KNDC1: variants seen among roughly 807,000 people sequenced by gnomAD.
KNDC1 encodes kinase non-catalytic C-lobe domain-containing protein 1.
Under a neutral mutation model 172.8 loss-of-function variants are expected in KNDC1, and 106 were observed. That is an observed-to-expected ratio of 0.61 (90% confidence interval 0.52 to 0.72). The LOEUF (loss-of-function observed/expected upper bound fraction) is 0.72, where lower values mean the gene tolerates loss of function less well. Ranked by LOEUF, KNDC1 falls within the 30% of genes least tolerant of loss-of-function variation. The pLI is 0.00. For missense variants in KNDC1, 2,325 were observed against 2,394.5 expected (o/e 0.97, Z 0.61); for synonymous variants, 1,083 against 1,062.2 (o/e 1.02, Z -0.38).
Position 133,224,827 on chromosome 10 carries a change from C to T in KNDC1, c.5187C>T (p.Ser1729=). ...ADSRANFHQV[S]SEKHSRKIQD... is the part of the protein sequence containing the mutation. ...GCAGGGCCAACTTCCACCAGGTCTCCAGCGAGAAGCACTCACGGAAGATTC... is the reference window on the plus strand; with the variant it reads ...GCAGGGCCAACTTCCACCAGGTCTCTAGCGAGAAGCACTCACGGAAGATTC... Residue 1729 remains serine, a synonymous_variant, in exon 30 of 30, where the codon TCC becomes TCT. Transcript: ENST00000304613. The surrounding 1 kb of genome is among the most constrained non-coding windows in gnomAD (Gnocchi z 5.4). 2 of 1,614,126 alleles carry T rather than the reference C, an allele frequency of 1.2e-6. No individual in the cohort carries two copies. The highest frequency in any genetic ancestry group is 1.7e-6 in the Non-Finnish European group (2 of 1,180,042).
In KNDC1 at chr10:133,209,130, CGTGTGTG is replaced by C. The variant is rs1338346267; in HGVS notation, c.3795-1471_3795-1465del. 1.3e-5 allele frequency among the ~76,000 whole-genome samples: 2 copies of C among 148,176 alleles called. No homozygotes were observed. Among genetic ancestry groups the C allele is most frequent in the African/African-American group, 2.5e-5 (1 of 39,850 alleles). On this transcript the variant is annotated intron_variant, in intron 20 of 29. Transcript: ENST00000304613. This position sits in a 1 kb window ranked among gnomAD's most constrained non-coding sequence, Gnocchi z 4.9. ...GTGTGTGATGTGGAGTATTGTGTGG[CGTGTGTG>C]GTGTGTGGTTGGGTATTGCGTGGCA...
Position 133,186,003 on chromosome 10 carries a change from C to T in KNDC1, c.655C>T (p.Pro219Ser). ...CAGCGAGAGCAGCTGGCGGGAGAGA[C>T]CTGCCCCAGGAAACGCTGGGCCCAG... is the stretch of plus-strand genomic sequence containing the variant. ...DVSESSWRER[P>S]APGNAGPRRP... The change falls in exon 6 of 30, where the codon CCT becomes TCT. Residue 219 changes from proline to serine, a missense_variant. Pro to Ser is a moderately conservative substitution (Grantham distance 74, BLOSUM62 -1). Coordinates refer to ENST00000304613, the MANE Select transcript of KNDC1 (RefSeq NM_152643.8). The T allele has an allele frequency of 6.6e-7, 1 of 1,510,924 alleles. No homozygotes were observed. The highest frequency in any genetic ancestry group is 8.9e-7 in the Non-Finnish European group (1 of 1,122,624). 93.6% of individuals were successfully genotyped at this position (1,510,924 alleles called of 1,614,324 possible).
At chr10:133,216,816 C>T (rs1845475940) in intron 26 of KNDC1, among the ~76,000 whole-genome samples, 2 of 152,316 alleles carry the variant, frequency 1.3e-5, no homozygotes, top group South Asian at 2.1e-4. Context: ...AAAGAAAATG[C>T]GGCCTCTTTG....
Position 133,160,472 on chromosome 10 carries a change from A to T in KNDC1, c.5A>T (p.Gln2Leu), listed in dbSNP as rs1227500348. The stretch of plus-strand genomic sequence containing the variant: ...GGTGCGCGGCGCGGCCGCAGGATGC[A>T]GGCCATGGACCCGGCCGCGGCGGAT... Reference protein sequence around the residue: MQAMDPAAADLY... With the variant: MLAMDPAAADLY... The change falls in exon 1 of 30, where the codon CAG becomes CTG. Residue 2 changes from glutamine to leucine, a missense_variant. Physicochemically the swap from Gln to Leu is moderately radical, Grantham distance 113. Transcript: ENST00000304613. The T allele has an allele frequency of 4.5e-6, 7 of 1,559,442 alleles. No homozygotes were observed. In the South Asian group the frequency reaches 7.1e-5, roughly 16 times the overall value.
At position 133,197,699 on chromosome 10, in the gene KNDC1, A is replaced by G; in HGVS notation, c.1837A>G (p.Ser613Gly). The stretch of plus-strand genomic sequence containing the variant: ...GGTGTACCAGGAGGAAGAGACCATC[A>G]GCCTCCAAAACGCCTTCTCAGTGGT... The part of the protein sequence containing the change: ...CQVYQEEETI[S>G]LQNAFSVVEL... The change falls in exon 12 of 30, where the codon AGC becomes GGC. Residue 613 changes from serine (S) to glycine (G), a missense_variant. Transcript: ENST00000304613. 2 of 1,613,294 alleles carry G rather than the reference A, an allele frequency of 1.2e-6. No individual in the cohort carries two copies. The highest frequency in any genetic ancestry group is 1.7e-6 in the Non-Finnish European group (2 of 1,179,802).
chr10:133,224,574 C>A lies in KNDC1; in HGVS notation c.5019-85C>A. ...GTGAAAAGATTTAGTCCAAATGATT[C>A]CTAAGAACGCGGGGGGACTCCCTCC... On this transcript the variant is annotated intron_variant, in intron 29 of 29. Transcript: ENST00000304613. This position sits in a 1 kb window ranked among gnomAD's most constrained non-coding sequence, Gnocchi z 5.4. The A allele has an allele frequency of 1.1e-6, 1 of 918,208 alleles. No homozygotes were observed. The highest frequency in any genetic ancestry group is 1.7e-6 in the Non-Finnish European group (1 of 594,514). 56.9% of individuals were successfully genotyped at this position (918,208 alleles called of 1,614,324 possible).
intron 26 of KNDC1, among the ~76,000 whole-genome samples, chr10:133,215,399 T>A (rs2136027860): frequency 6.6e-6 from 1 of 152,286 alleles, no homozygotes; most frequent in Admixed American, 6.5e-5. Flanking sequence ...CCCCGGGCCG[T>A]AAACGAAGGC....
intron 15 of KNDC1, 102 bp downstream of exon 15, chr10:133,199,704 C>G (rs2998138): frequency 0.57 from 765,417 of 1,334,964 alleles, 221,014 homozygotes; most frequent in East Asian, 0.64. Flanking sequence ...CCCAACCCTC[C>G]GCTTCCATCT....
At chr10:133,187,618 C>T (rs1853956851) in intron 6 of KNDC1, among the ~76,000 whole-genome samples, 1 of 152,244 alleles carries the variant, frequency 6.6e-6, no homozygotes, top group Admixed American at 6.5e-5. Flanking sequence ...AACAGCCTAC[C>T]TTCCCGAAGG....
chr10:133,220,036 C>T lies in KNDC1; in HGVS notation c.4942C>T (p.Leu1648=). 6.4e-7 allele frequency: 1 copy of T among 1,558,264 alleles called. No individual in the cohort carries two copies. Among genetic ancestry groups the T allele is most frequent in the Non-Finnish European group, 8.7e-7 (1 of 1,151,040 alleles). ...GCCCACCCTGCCCTCGGCCCACCTC[C>T]TGGCCATGCACATCCAGCAGCTGGA... ...AQPTLPSAHL[L]AMHIQQLETG... is the part of the protein sequence containing the mutation. Residue 1648 remains leucine, a synonymous_variant, in exon 29 of 30, where the codon CTG becomes TTG. Coordinates refer to ENST00000304613, the MANE Select transcript of KNDC1 (RefSeq NM_152643.8).
chr10:133,167,295 C>G (rs910181759), intron 1 of KNDC1, 86 bp from the exon 2 acceptor site: 1 of 1,336,410 alleles, frequency 7.5e-7, no homozygotes, highest in Non-Finnish European at 1.0e-6. Flanking sequence ...ACGAGTCGTC[C>G]GTTTCCCCAG....
Position 133,207,185 on chromosome 10 carries a change from A to G in KNDC1, c.3628A>G (p.Ile1210Val). The change falls in exon 20 of 30, where the codon ATC becomes GTC. Residue 1210 changes from isoleucine (I) to valine (V), a missense_variant. Coordinates refer to ENST00000304613, the MANE Select transcript of KNDC1 (RefSeq NM_152643.8). Reference protein sequence around the residue: ...WGLEPCTLPVIVNIAAAPCDT... With the variant: ...WGLEPCTLPVVVNIAAAPCDT... ...CCTGGAGCCCTGCACCCTCCCAGTG[A>G]TCGTGAACATCGCGGCCGCACCCTG... 6.2e-7 allele frequency: 1 copy of G among 1,609,698 alleles called. No homozygotes were observed. The highest frequency in any genetic ancestry group is 8.5e-7 in the Non-Finnish European group (1 of 1,178,962).
chr10:133,185,631 C>T (rs1017600669), intron 5 of KNDC1, among the ~76,000 whole-genome samples: 1 of 151,784 alleles, frequency 6.6e-6, no homozygotes, highest in Non-Finnish European at 1.5e-5. Flanking sequence ...CCTGTGTAAT[C>T]CTCGAGGAAA....
At position 133,167,530 on chromosome 10, in the gene KNDC1, C is replaced by T. The variant is rs1330505921; in HGVS notation, c.252C>T (p.Thr84=). 1.2e-6 allele frequency: 2 copies of T among 1,604,108 alleles called. No individual in the cohort carries two copies. The highest frequency in any genetic ancestry group is 2.3e-5 in the East Asian group (1 of 44,394). Residue 84 remains threonine (T), a synonymous_variant, in exon 2 of 30, where the codon ACC becomes ACT. Transcript: ENST00000304613. ...AGAGCCTGTGCATCACGCCCGACAC[C>T]CTGGCCTTCAACACCAGCGGGAACG... The part of the protein sequence containing the change: ...IFQSLCITPD[T]LAFNTSGNVC...
chr10:133,213,766 G>T, intron 25 of KNDC1, 39 bp downstream of exon 25: 1 of 1,581,336 alleles, frequency 6.3e-7, no homozygotes, highest in South Asian at 1.1e-5. Context: ...CGGTGGTGGA[G>T]GGTCTCGGGG....
chr10:133,214,745 C>T (rs769308335), intron 26 of KNDC1, among the ~76,000 whole-genome samples: 15 of 152,244 alleles, frequency 9.9e-5, no homozygotes, highest in African/African-American at 2.9e-4. Flanking sequence ...GCTCCAGCGC[C>T]GGGGCCCAGT....
chr10:133,195,676 G>A lies in KNDC1; in HGVS notation c.1589G>A (p.Cys530Tyr), dbSNP rs898438347. The A allele has an allele frequency of 6.2e-7, 1 of 1,610,330 alleles. No individual in the cohort carries two copies. The highest frequency in any genetic ancestry group is 1.1e-5 in the South Asian group (1 of 90,612). The change falls in exon 10 of 30, where the codon TGT becomes TAT. Residue 530 changes from cysteine to tyrosine, a missense_variant. Coordinates refer to ENST00000304613, the MANE Select transcript of KNDC1 (RefSeq NM_152643.8). ...CCACCCGCCCAGGCCTCTGTGTACT[G>A]TGTGGCCGCCGTTCTGTGGACCGCA... ...RLVTEKASVY[C>Y]VAAVLWTAAK...
In KNDC1 at chr10:133,188,592, C is replaced by T. The variant is rs773482752; in HGVS notation, c.1380C>T (p.Tyr460=). ...LSQLGRPFRE[Y]ELWALCLACL... ...AGCTGGGCCGGCCCTTCCGGGAGTA[C>T]GAGCTGTGGGCCCTGTGCCTGGCCT... The change falls in exon 7 of 30, where the codon TAC becomes TAT. Residue 460 remains tyrosine (Y), a synonymous_variant. Coordinates refer to ENST00000304613, the MANE Select transcript of KNDC1 (RefSeq NM_152643.8). The T allele has an allele frequency of 6.9e-6, 11 of 1,596,088 alleles. No homozygotes were observed. Among genetic ancestry groups the T allele is most frequent in the Admixed American group, 1.7e-5 (1 of 58,252 alleles).
rs777918546 is a variant in KNDC1, at chr10:133,186,597, G to A, written c.1249G>A (p.Gly417Ser). The change falls in exon 6 of 30, where the codon GGT (glycine) becomes AGT (serine). Residue 417 changes from glycine (G) to serine (S), a missense_variant. Coordinates refer to ENST00000304613, the MANE Select transcript of KNDC1 (RefSeq NM_152643.8). Reference protein sequence around the residue: ...EAPADPRDASGEAQTPRDDER... With the variant: ...EAPADPRDASSEAQTPRDDER... ...CCCTGCAGACCCTCGAGATGCTAGC[G>A]GTGAAGCCCAGACTCCCAGGGACGA... is the stretch of plus-strand genomic sequence containing the variant. The A allele has an allele frequency of 1.6e-5, 25 of 1,603,048 alleles. No homozygotes were observed. The highest frequency in any genetic ancestry group is 8.9e-5 in the East Asian group (4 of 44,856).
Sources: allele counts gnomAD v4.1 joint callset (sites outside exome capture counted in the v4.1 genomes callset), GRCh38; gene constraint gnomAD v4.1.1; non-coding constraint Gnocchi (gnomAD v3.1); transcripts MANE v1.5; gene names NCBI Gene and HGNC (gene_info 2026-07-23, HGNC 2026-07-21).